The following DPY19L1 variants were observed in gnomAD, a reference collection of about 807,000 sequenced individuals.
The protein encoded by DPY19L1 is protein C-mannosyl-transferase DPY19L1.
Under a neutral mutation model 96.9 loss-of-function variants are expected in DPY19L1, and 35 were observed. The observed-to-expected ratio is 0.36, with a 90% confidence interval of 0.28 to 0.48. DPY19L1 has a LOEUF of 0.48. DPY19L1 is among the 20% of genes least tolerant of loss of function. DPY19L1 has a pLI of 0.99. For missense variants in DPY19L1, 521 were observed against 777.9 expected, an observed-to-expected ratio of 0.67 and a Z score of 3.93; for synonymous variants, 205 against 252.6, an observed-to-expected ratio of 0.81 and a Z score of 1.79.
chr7:34,939,379 G>C lies in DPY19L1; in HGVS notation c.1865-4C>G, dbSNP rs763355820. On this transcript the variant is annotated splice_region_variant and splice_polypyrimidine_tract_variant and intron_variant, in intron 19 of 21. Transcript: ENST00000638088. ...ATGGCACCCGCAAACACTGCATCTG[G>C]AAGGCAAGAGGAATGTCTCAGGAAG... The C allele has an allele frequency of 6.2e-7, 1 of 1,613,634 alleles. No individual in the cohort carries two copies. Among genetic ancestry groups the C allele is most frequent in the Non-Finnish European group, 8.5e-7 (1 of 1,179,674 alleles).
chr7:34,986,051 C>T (rs931093415), intron 7 of DPY19L1, among the ~76,000 whole-genome samples: 1 of 151,838 alleles, frequency 6.6e-6, no homozygotes, highest in Admixed American at 6.6e-5. Context: ...TGAAATAAAC[C>T]AAGCACAGGA....
intron 10 of DPY19L1, among the ~76,000 whole-genome samples, chr7:34,959,100 A>T (rs1191487342): frequency 6.6e-6 from 1 of 152,224 alleles, no homozygotes; most frequent in African/African-American, 2.4e-5. Context: ...GCAGCCAACA[A>T]ACATATGAAA....
Position 34,945,688 on chromosome 7 carries a change from G to C in DPY19L1, c.1523C>G (p.Ala508Gly), listed in dbSNP as rs367674071. Residue 508 changes from alanine (A) to glycine (G), a missense_variant, in exon 16 of 22, where the codon GCT becomes GGT. Transcript: ENST00000638088. ...KIISDMWGVL[A>G]KQQTHVRKHQ... is the part of the protein sequence containing the mutation. ...TTACCTTACATGTGTCTGTTGTTTA[G>C]CTAAGACACCCCACATATCACTAAT... 3.9e-5 allele frequency: 63 copies of C among 1,601,498 alleles called. No homozygotes were observed. In the African/African-American group the frequency reaches 7.4e-4, roughly 19 times the overall value.
chr7:34,990,407 C>T (rs1785142396), intron 6 of DPY19L1, among the ~76,000 whole-genome samples: 1 of 152,202 alleles, frequency 6.6e-6, no homozygotes, highest in African/African-American at 2.4e-5. Flanking sequence ...CACTGCCTAC[C>T]TGCTCCTAGA....
intron 16 of DPY19L1, among the ~76,000 whole-genome samples, chr7:34,943,027 G>A (rs910166830): frequency 2.0e-5 from 3 of 152,150 alleles, no homozygotes; most frequent in African/African-American, 7.2e-5. Context: ...TGAGTTCAAG[G>A]GAGAAGTCTG....
chr7:35,032,552 T>TTTGAATG (rs1335524117), intron 1 of DPY19L1, among the ~76,000 whole-genome samples: 1 of 152,188 alleles, frequency 6.6e-6, no homozygotes, highest in African/African-American at 2.4e-5. Context: ...TTACCATTAA[T>TTTGAATG]GTGAAAACCA....
At chr7:34,963,696 TCGTGTGTGTGTGTG>T (rs1562808458) in intron 10 of DPY19L1, among the ~76,000 whole-genome samples, 1 of 144,384 alleles carries the variant, frequency 6.9e-6, no homozygotes, top group Non-Finnish European at 1.5e-5. Context: ...ATAAGCAGAA[TCGTGTGTGTGTGTG>T]CGTGTGTGTG....
chr7:34,980,389 A>C (rs1419544143), intron 7 of DPY19L1, among the ~76,000 whole-genome samples: 2 of 152,100 alleles, frequency 1.3e-5, no homozygotes, highest in East Asian at 3.9e-4. Context: ...AATCAGACAC[A>C]AAAAGGACTC....
intron 7 of DPY19L1, among the ~76,000 whole-genome samples, chr7:34,984,475 G>C (rs1421960711): frequency 6.6e-6 from 1 of 152,220 alleles, no homozygotes; most frequent in Non-Finnish European, 1.5e-5. Context: ...AGAGTGACGT[G>C]AGACAAAATC....
chr7:35,001,291 T>C (rs1393040024), intron 6 of DPY19L1, among the ~76,000 whole-genome samples: 3 of 152,350 alleles, frequency 2.0e-5, no homozygotes, highest in Admixed American at 6.5e-5. Flanking sequence ...GTAAAGCTTA[T>C]GTGATAGATA....
At chr7:34,965,786 G>T (rs1199245493) in intron 10 of DPY19L1, among the ~76,000 whole-genome samples, 1 of 152,030 alleles carries the variant, frequency 6.6e-6, no homozygotes, top group Non-Finnish European at 1.5e-5. Context: ...GTTTTTAAAG[G>T]ATAACCATTC....
chr7:34,973,993 C>T (rs1258899703), intron 7 of DPY19L1, among the ~76,000 whole-genome samples: 3 of 152,146 alleles, frequency 2.0e-5, no homozygotes, highest in African/African-American at 7.2e-5. Context: ...CTATCCATAA[C>T]CAGTACTTGA....
intron 6 of DPY19L1, among the ~76,000 whole-genome samples, chr7:35,001,378 T>G (rs547978200): frequency 2.0e-5 from 3 of 152,336 alleles, no homozygotes; most frequent in Non-Finnish European, 4.4e-5. Context: ...ATTAATTAAT[T>G]TATTCAATCA....
At chr7:34,959,921 A>ATAAATATATATATT (rs1784463400) in intron 10 of DPY19L1, among the ~76,000 whole-genome samples, 2 of 13,956 alleles carry the variant, frequency 1.4e-4, no homozygotes, top group Admixed American at 9.2e-4. Flanking sequence ...ATATATATAT[A>ATAAATATATATATT]TATTTATATA....
rs1253560175 is a variant in DPY19L1 at position 34,929,031 on chromosome 7, A to G, written c.*2542T>C. 1 of 152,152 alleles carries G rather than the reference A, an allele frequency of 6.6e-6. No individual in the cohort carries two copies. Among genetic ancestry groups the G allele is most frequent in the African/African-American group, 2.4e-5 (1 of 41,432 alleles). The allele number at this position is 152,152 out of a possible 1,614,324, so 9.4% of individuals were successfully genotyped here. On this transcript the variant is annotated 3_prime_UTR_variant, in exon 22 of 22. Transcript: ENST00000638088. The stretch of plus-strand genomic sequence containing the variant: ...ATTAATATCACTGGCCTATTTTAAC[A>G]CTATATTTTTTTTGCCAAGCATTTT...
intron 10 of DPY19L1, among the ~76,000 whole-genome samples, chr7:34,958,713 A>G (rs1784429085): frequency 6.6e-6 from 1 of 152,192 alleles, no homozygotes; most frequent in Non-Finnish European, 1.5e-5. Context: ...TTTCCCACCA[A>G]CTGGGCAGGA....
At chr7:34,933,818 C>G (rs1584195326) in intron 21 of DPY19L1, among the ~76,000 whole-genome samples, 2 of 152,214 alleles carry the variant, frequency 1.3e-5, no homozygotes, top group East Asian at 3.9e-4. Flanking sequence ...AGATTGAAGG[C>G]TGCACTGTCA....
Position 34,987,575 on chromosome 7 carries a change from A to G in DPY19L1, c.822+2309T>C, listed in dbSNP as rs563641868. Among the ~76,000 whole-genome samples the G allele has an allele frequency of 2.0e-5, 3 of 152,230 alleles. No individual in the cohort carries two copies. In the South Asian group the frequency reaches 6.2e-4, roughly 32 times the overall value. On this transcript the variant is annotated intron_variant, in intron 7 of 21. Coordinates refer to ENST00000638088, the MANE Select transcript of DPY19L1 (RefSeq NM_001366673.1). The stretch of plus-strand genomic sequence containing the variant: ...AGAACTTAAATGCAAGTAACAATTG[A>G]GAACTATTCTTTGCAACATAAACCA...
chr7:35,008,041 T>A (rs1219811388), intron 6 of DPY19L1, among the ~76,000 whole-genome samples: 1 of 152,044 alleles, frequency 6.6e-6, no homozygotes, highest in Non-Finnish European at 1.5e-5. Flanking sequence ...GCTTATTACC[T>A]GCTTTCCACA....
Sources: gnomAD v4.1 joint callset for allele counts (sites outside exome capture counted in the v4.1 genomes callset) on GRCh38, gnomAD v4.1.1 for gene constraint, MANE v1.5 for transcripts, NCBI Gene and HGNC (gene_info 2026-07-23, HGNC 2026-07-21) for gene names.